The following CSMD1 variants were observed in gnomAD, a reference collection of about 807,000 sequenced individuals.
CSMD1 encodes CUB and Sushi multiple domains 1.
Under a neutral mutation model 417.5 loss-of-function variants are expected in CSMD1, and 213 were observed. The ratio of observed to expected loss-of-function variants is 0.51; its 90% CI spans 0.46 to 0.57. CSMD1 has a LOEUF of 0.57. Among genes scored for constraint, CSMD1 ranks in the 20% least tolerant of loss-of-function variants. CSMD1 has a pLI of 0.00. For missense variants in CSMD1, 6,923 were observed against 4,529.7 expected (o/e 1.53, Z -15.17); for synonymous variants, 2,862 against 1,736.8 (o/e 1.65, Z -16.11).
At chr8:4,022,302 G>A (rs540990365) in intron 4 of CSMD1, among the ~76,000 whole-genome samples, 6 of 151,982 alleles carry the variant, frequency 3.9e-5, no homozygotes, top group African/African-American at 1.2e-4. Flanking sequence ...AGACAAGGAA[G>A]AGAAGTATTA....
At chr8:3,053,600 T>A (rs771038823) in intron 49 of CSMD1, among the ~76,000 whole-genome samples, 1 of 152,138 alleles carries the variant, frequency 6.6e-6, no homozygotes, top group African/African-American at 2.4e-5. Flanking sequence ...GGAAAGACCA[T>A]GCAAGAAAGA....
chr8:4,272,937 G>A (rs1012076530), intron 3 of CSMD1, among the ~76,000 whole-genome samples: 1 of 152,118 alleles, frequency 6.6e-6, no homozygotes, highest in Non-Finnish European at 1.5e-5. Flanking sequence ...TTGTAAGAAA[G>A]GAAATTAGTT....
chr8:3,682,545 G>A (rs1046995013), intron 7 of CSMD1, among the ~76,000 whole-genome samples: 1 of 152,192 alleles, frequency 6.6e-6, no homozygotes, highest in Non-Finnish European at 1.5e-5. Flanking sequence ...GGAAACAACA[G>A]GTGCTGGAGA....
chr8:4,488,157 C>T (rs564962564), intron 2 of CSMD1, among the ~76,000 whole-genome samples: 66 of 152,224 alleles, frequency 4.3e-4, no homozygotes, highest in African/African-American at 1.6e-3. Flanking sequence ...CCTTGATCTT[C>T]GACTTACAGC....
intron 7 of CSMD1, among the ~76,000 whole-genome samples, chr8:3,669,240 T>A (rs10090447): frequency 0.17 from 25,487 of 152,122 alleles, 2,225 homozygotes; most frequent in South Asian, 0.22. Context: ...GGTAGCACAC[T>A]GCATCAATCT....
At position 4,670,423 on chromosome 8, in the gene CSMD1, G is replaced by C. The variant is rs112002005; in HGVS notation, c.86-32865C>G. The stretch of plus-strand genomic sequence containing the variant: ...CATGGGAAAGAAAATGTGTGTTTTG[G>C]ATAGTCAAGGAGCAAACATGTGTGT... On this transcript the variant is annotated intron_variant, in intron 1 of 69. Transcript: ENST00000635120. Among the ~76,000 whole-genome samples, 381 of 152,266 alleles carry C rather than the reference G, an allele frequency of 2.5e-3. 15 individuals carry two copies. The South Asian group carries it at 0.058, about 23-fold the overall frequency.
chr8:4,092,717 T>C (rs895899685), intron 3 of CSMD1, among the ~76,000 whole-genome samples: 3 of 152,184 alleles, frequency 2.0e-5, no homozygotes, highest in African/African-American at 7.2e-5. Context: ...TTGAAATAAT[T>C]TTGACAACTT....
At chr8:3,636,586 G>C (rs896374530) in intron 7 of CSMD1, among the ~76,000 whole-genome samples, 27 of 152,246 alleles carry the variant, frequency 1.8e-4, no homozygotes, top group Middle Eastern at 6.8e-3. Flanking sequence ...GTCATGAAAC[G>C]GAATGTGAAA....
At chr8:4,518,324 C>T (rs2130380480) in intron 2 of CSMD1, among the ~76,000 whole-genome samples, 1 of 152,224 alleles carries the variant, frequency 6.6e-6, no homozygotes, top group South Asian at 2.1e-4. Context: ...CTTCCATCTT[C>T]AGGATAAAAG....
chr8:3,301,295 C>T (rs539114035), intron 25 of CSMD1, among the ~76,000 whole-genome samples: 13 of 152,020 alleles, frequency 8.6e-5, no homozygotes, highest in East Asian at 7.8e-4. Context: ...GTCTACCCAG[C>T]GAAGGAACCA....
rs181156212 is a variant in CSMD1 at position 3,919,031 on chromosome 8, A to T, written c.818+78872T>A. ...CTGCTCCAGAAACACCTATGGAAAT[A>T]TTTTTAAAAAATATGTGGTTGTAAA... On this transcript the variant is annotated intron_variant, in intron 5 of 69. Transcript: ENST00000635120. Among the ~76,000 whole-genome samples the T allele has an allele frequency of 5.8e-3, 888 of 152,112 alleles. 5 individuals are homozygous for T. The highest frequency in any genetic ancestry group is 0.021 in the African/African-American group (860 of 41,504).
At chr8:4,214,228 A>C (rs1800495763) in intron 3 of CSMD1, among the ~76,000 whole-genome samples, 1 of 152,196 alleles carries the variant, frequency 6.6e-6, no homozygotes, top group Non-Finnish European at 1.5e-5. Flanking sequence ...ATGGACTAAA[A>C]TGGAAGTAAG....
chr8:4,727,267 A>G (rs934134482), intron 1 of CSMD1, among the ~76,000 whole-genome samples: 1 of 152,200 alleles, frequency 6.6e-6, no homozygotes, highest in South Asian at 2.1e-4. Context: ...AAACCAGTTA[A>G]TGTCTACCGG....
intron 52 of CSMD1, 137 bp downstream of exon 52, chr8:3,018,340 C>G: frequency 1.4e-6 from 1 of 725,452 alleles, no homozygotes; most frequent in Non-Finnish European, 2.2e-6. Flanking sequence ...AAGAAAAAAT[C>G]ACACTGGGAG....
At chr8:4,375,589 G>A (rs771325919) in intron 3 of CSMD1, among the ~76,000 whole-genome samples, 1 of 152,094 alleles carries the variant, frequency 6.6e-6, no homozygotes, top group African/African-American at 2.4e-5. Flanking sequence ...GACTCCTACT[G>A]AGGAAGAAGG....
intron 57 of CSMD1, among the ~76,000 whole-genome samples, chr8:2,969,231 T>A (rs1804226759): frequency 1.3e-5 from 2 of 152,214 alleles, no homozygotes; most frequent in African/African-American, 2.4e-5. Flanking sequence ...AGTTAGCTTG[T>A]AGCTTATGCT....
At chr8:4,395,085 G>A (rs1804110026) in intron 3 of CSMD1, among the ~76,000 whole-genome samples, 1 of 152,100 alleles carries the variant, frequency 6.6e-6, no homozygotes, top group Non-Finnish European at 1.5e-5. Flanking sequence ...GGCACCTCCT[G>A]CACCCACATG....
At chr8:4,223,381 T>C (rs776913750) in intron 3 of CSMD1, among the ~76,000 whole-genome samples, 1 of 152,234 alleles carries the variant, frequency 6.6e-6, no homozygotes. Flanking sequence ...ATCAAGTAAA[T>C]TCAGCTGCCG....
intron 4 of CSMD1, among the ~76,000 whole-genome samples, chr8:4,004,843 C>G (rs1815980299): frequency 1.3e-5 from 2 of 152,162 alleles, no homozygotes. Flanking sequence ...CTCCCGGGTT[C>G]ACGCCATTCT....
Sources: allele counts gnomAD v4.1 joint callset (sites outside exome capture counted in the v4.1 genomes callset), GRCh38; gene constraint gnomAD v4.1.1; transcripts MANE v1.5; gene names NCBI Gene and HGNC (gene_info 2026-07-23, HGNC 2026-07-21).